The following RIT2 variants were observed in gnomAD, a reference collection of about 807,000 sequenced individuals.
RIT2 encodes GTP-binding protein Rit2.
Under a neutral mutation model 23.7 loss-of-function variants are expected in RIT2, and 24 were observed. The ratio of observed to expected loss-of-function variants is 1.01; its 90% CI spans 0.73 to 1.43. RIT2 has a LOEUF of 1.43. RIT2 is among the 40% of genes most tolerant of loss of function. The pLI is 0.00. For synonymous variants in RIT2, 107 were observed against 91.1 expected (o/e 1.17, Z -0.99); for missense variants, 236 against 266.9 (o/e 0.88, Z 0.81).
chr18:42,926,008 T>C (rs1224715491), intron 3 of RIT2, among the ~76,000 whole-genome samples: 1 of 151,800 alleles, frequency 6.6e-6, no homozygotes, highest in Admixed American at 6.6e-5. Context: ...TTATTCTTAT[T>C]ATAGACAATG....
chr18:42,851,944 A>G (rs1381282841), intron 4 of RIT2, among the ~76,000 whole-genome samples: 2 of 152,192 alleles, frequency 1.3e-5, no homozygotes, highest in African/African-American at 4.8e-5. Flanking sequence ...TGAAGAGGCG[A>G]CAGTTTGCAG....
At chr18:42,898,766 C>T (rs1178666184) in intron 4 of RIT2, among the ~76,000 whole-genome samples, 1 of 152,090 alleles carries the variant, frequency 6.6e-6, no homozygotes, top group African/African-American at 2.4e-5. Flanking sequence ...TGACATTTGT[C>T]TATTATGACA....
intron 4 of RIT2, among the ~76,000 whole-genome samples, chr18:42,882,016 A>G (rs928747457): frequency 2.0e-4 from 30 of 152,224 alleles, no homozygotes; most frequent in African/African-American, 7.2e-4. Flanking sequence ...TCTACAGAAT[A>G]TAAGCATTTC....
intron 4 of RIT2, among the ~76,000 whole-genome samples, chr18:42,894,964 C>T (rs1908283658): frequency 6.6e-6 from 1 of 152,172 alleles, no homozygotes; most frequent in Non-Finnish European, 1.5e-5. Flanking sequence ...TTCATTTAGT[C>T]TCTTCTCAAG....
chr18:42,859,848 C>T (rs1002374416), intron 4 of RIT2, among the ~76,000 whole-genome samples: 5 of 151,808 alleles, frequency 3.3e-5, no homozygotes, highest in East Asian at 3.9e-4. Context: ...CTGCTCACTG[C>T]GACCTCCACC....
At chr18:43,099,661 T>C (rs1913637176) in intron 1 of RIT2, among the ~76,000 whole-genome samples, 1 of 152,130 alleles carries the variant, frequency 6.6e-6, no homozygotes, top group South Asian at 2.1e-4. Flanking sequence ...ACATGTGTAT[T>C]TGTGTATTTT....
chr18:42,881,514 C>A (rs1214932020), intron 4 of RIT2, among the ~76,000 whole-genome samples: 2 of 152,190 alleles, frequency 1.3e-5, no homozygotes, highest in Admixed American at 1.3e-4. Context: ...GATCCTGCAT[C>A]TTAGTCATCT....
At chr18:42,774,635 T>C (rs1057245936) in intron 4 of RIT2, among the ~76,000 whole-genome samples, 2 of 151,846 alleles carry the variant, frequency 1.3e-5, no homozygotes, top group Non-Finnish European at 2.9e-5. Flanking sequence ...TTTTTTTTTT[T>C]AACTAAACCA....
intron 4 of RIT2, among the ~76,000 whole-genome samples, chr18:42,824,701 C>A (rs926199696): frequency 2.0e-5 from 3 of 151,702 alleles, no homozygotes; most frequent in African/African-American, 7.3e-5. Flanking sequence ...TCAAGTTATT[C>A]TCCTAGGCAA....
intron 4 of RIT2, among the ~76,000 whole-genome samples, chr18:42,789,427 G>C (rs1598654428): frequency 6.6e-6 from 1 of 152,160 alleles, no homozygotes; most frequent in Non-Finnish European, 1.5e-5. Flanking sequence ...TGAGCAGCAT[G>C]GTCACTTTAA....
intron 1 of RIT2, among the ~76,000 whole-genome samples, chr18:43,063,380 G>T (rs1306956407): frequency 6.6e-6 from 1 of 152,110 alleles, no homozygotes; most frequent in Non-Finnish European, 1.5e-5. Flanking sequence ...GACCTTTGGG[G>T]CTAAACGAGT....
chr18:42,767,666 G>A (rs1010351491), intron 4 of RIT2, among the ~76,000 whole-genome samples: 4 of 152,102 alleles, frequency 2.6e-5, no homozygotes, highest in African/African-American at 7.2e-5. Context: ...GAGGGGCCAC[G>A]GGTGGAATGA....
At chr18:43,083,337 T>C (rs1432170949) in intron 1 of RIT2, among the ~76,000 whole-genome samples, 3 of 152,330 alleles carry the variant, frequency 2.0e-5, no homozygotes, top group East Asian at 3.9e-4. Flanking sequence ...GCTAGACTTA[T>C]CAAGCTACCA....
chr18:43,026,626 A>AAGAAAGAAAGAG (rs1445341163), intron 2 of RIT2, among the ~76,000 whole-genome samples: 4 of 126,920 alleles, frequency 3.2e-5, no homozygotes, highest in African/African-American at 1.1e-4. Flanking sequence ...GAAAGAAAGA[A>AAGAAAGAAAGAG]AGAAAGAAAG....
intron 2 of RIT2, among the ~76,000 whole-genome samples, chr18:43,023,816 G>A (rs1911650421): frequency 1.3e-5 from 2 of 152,028 alleles, no homozygotes; most frequent in African/African-American, 4.8e-5. Context: ...GAGAGTGAGT[G>A]TATTCTGGAG....
intron 1 of RIT2, among the ~76,000 whole-genome samples, chr18:43,114,520 C>G (rs1914023606): frequency 1.3e-5 from 2 of 151,940 alleles, no homozygotes; most frequent in African/African-American, 4.8e-5. Flanking sequence ...AATATTTTTT[C>G]TACCTTTTAG....
intron 2 of RIT2, among the ~76,000 whole-genome samples, chr18:43,029,127 A>C (rs1911797614): frequency 1.3e-5 from 2 of 152,028 alleles, no homozygotes; most frequent in Admixed American, 6.6e-5. Context: ...ACTTAACTCT[A>C]TATATAGCAT....
intron 4 of RIT2, among the ~76,000 whole-genome samples, chr18:42,852,870 G>A (rs1907093185): frequency 7.3e-6 from 1 of 136,356 alleles, no homozygotes; most frequent in Non-Finnish European, 1.5e-5. Flanking sequence ...GCCTTTCTCT[G>A]TCTCCCAGGC....
intron 3 of RIT2, among the ~76,000 whole-genome samples, chr18:42,968,020 C>T (rs974963275): frequency 2.0e-5 from 3 of 152,058 alleles, no homozygotes; most frequent in Admixed American, 1.3e-4. Context: ...AGACTCAGAA[C>T]GAGAACATGA....
Sources: allele counts gnomAD v4.1 joint callset (sites outside exome capture counted in the v4.1 genomes callset), GRCh38; gene constraint gnomAD v4.1.1; transcripts MANE v1.5; gene names NCBI Gene and HGNC (gene_info 2026-07-23, HGNC 2026-07-21).